The following LMTK3 variants were observed in gnomAD, a reference collection of about 807,000 sequenced individuals.
LMTK3 encodes serine/threonine-protein kinase LMTK3.
LMTK3 carries 27 observed loss-of-function variants against 116.7 expected under a neutral mutation model. The ratio of observed to expected loss-of-function variants is 0.23; its 90% CI spans 0.17 to 0.32. LMTK3 has a LOEUF of 0.32. Among genes scored for constraint, LMTK3 ranks in the 10% least tolerant of loss-of-function variants. The pLI is 1.00. For synonymous variants in LMTK3, 965 were observed against 971.0 expected (o/e 0.99, Z 0.11); for missense variants, 1,764 against 2,068.5 (o/e 0.85, Z 2.86).
chr19:48,513,448 A>G (rs1972693299), upstream of LMTK3: 2 of 530,346 alleles, frequency 3.8e-6, no homozygotes, highest in Non-Finnish European at 6.8e-6. The surrounding 1 kb of genome is among the most constrained non-coding windows in gnomAD (Gnocchi z 5.6). Flanking sequence ...CATCGGGGAC[A>G]CCGACACATC....
At chr19:48,487,859 C>A (rs904411337) in intron 14 of LMTK3, among the ~76,000 whole-genome samples, 1 of 152,114 alleles carries the variant, frequency 6.6e-6, no homozygotes, top group East Asian at 1.9e-4. Flanking sequence ...TAATGGGAAG[C>A]ATGACCTTCA....
At chr19:48,506,753 C>G (rs1192931093) in intron 5 of LMTK3, among the ~76,000 whole-genome samples, 1 of 152,140 alleles carries the variant, frequency 6.6e-6, no homozygotes, top group Non-Finnish European at 1.5e-5. Context: ...CAACCTCTGC[C>G]TCTGGGGTTC....
At chr19:48,501,604 C>T in intron 7 of LMTK3, 42 bp from the exon 8 acceptor site, 2 of 1,548,002 alleles carry the variant, frequency 1.3e-6, no homozygotes, top group South Asian at 1.2e-5. Flanking sequence ...GGGCAGCCCT[C>T]CAGCCACGCC....
At position 48,485,590 on chromosome 19, in the gene LMTK3, TG is replaced by T; in HGVS notation, c.*182del. On this transcript the variant is annotated 3_prime_UTR_variant, in exon 15 of 15. Transcript: ENST00000600059. Reference sequence around the variant, plus strand: ...GGGTCAGGGGAGCCATCTGGGGGGCTGGGGGGCGGGGGCCCGGGGCCTCCCG... The same window carrying T: ...GGGTCAGGGGAGCCATCTGGGGGGCTGGGGGCGGGGGCCCGGGGCCTCCCG... 2 of 436,756 alleles carry T rather than the reference TG, an allele frequency of 4.6e-6. No homozygotes were observed. The highest frequency in any genetic ancestry group is 7.4e-6 in the Non-Finnish European group (2 of 271,364). The allele number at this position is 436,756 out of a possible 1,614,324, so 27.1% of individuals were successfully genotyped here.
intron 8 of LMTK3, 22 bp from the exon 9 acceptor site, chr19:48,501,426 C>G (rs1260070499): frequency 1.2e-6 from 2 of 1,612,616 alleles, no homozygotes; most frequent in Non-Finnish European, 1.7e-6. Flanking sequence ...AGGGCGGTGT[C>G]AGGCGGGTCA....
intron 11 of LMTK3, among the ~76,000 whole-genome samples, chr19:48,496,285 T>TC (rs1569101740): frequency 2.0e-5 from 3 of 150,912 alleles, no homozygotes; most frequent in African/African-American, 7.4e-5. Context: ...ATTTTTTCTT[T>TC]TTTTCTTTTT....
At chr19:48,504,697 A>T (rs897132972) in intron 5 of LMTK3, among the ~76,000 whole-genome samples, 1 of 151,978 alleles carries the variant, frequency 6.6e-6, no homozygotes, top group African/African-American at 2.4e-5. Flanking sequence ...ATAGGTACAC[A>T]CTACCACACT....
chr19:48,497,925 TGGGGCTGGCTCCCCGATCGTG>T lies in LMTK3; in HGVS notation c.3123_3143del (p.Thr1042_Pro1048del), dbSNP rs759213376. 8.5e-6 allele frequency: 13 copies of T among 1,532,654 alleles called. No homozygotes were observed. Among genetic ancestry groups the T allele is most frequent in the African/African-American group, 2.8e-5 (2 of 71,672 alleles). The allele number at this position is 1,532,654 out of a possible 1,614,324, so 94.9% of individuals were successfully genotyped here. ...CAGGGGCTCTCTCCAGAGAGGTCTC[TGGGGCTGGCTCCCCGATCGTG>T]GGGGCTGGACCCCAACTCTCGGGCG... is the stretch of plus-strand genomic sequence containing the variant. On this transcript the variant is annotated inframe_deletion, in exon 11 of 15. Coordinates refer to ENST00000600059, the MANE Select transcript of LMTK3 (RefSeq NM_001388485.1). The surrounding 1 kb of genome is among the most constrained non-coding windows in gnomAD (Gnocchi z 5.7).
chr19:48,494,068 G>C lies in LMTK3; in HGVS notation c.3718C>G (p.Leu1240Val). Reference protein sequence around the residue: ...RLSLALPPLTLTPFPGPGPRR... With the variant: ...RLSLALPPLTVTPFPGPGPRR... Reference sequence around the variant, plus strand: ...GGGCCCGGCCCCGGGAATGGCGTGAGCGTGAGCGGCGGCAGCGCCAGCGAG... The same window carrying C: ...GGGCCCGGCCCCGGGAATGGCGTGACCGTGAGCGGCGGCAGCGCCAGCGAG... Residue 1240 changes from leucine to valine, a missense_variant, in exon 12 of 15, where the codon CTC becomes GTC. By Grantham distance (32) the Leu-to-Val change is conservative. Around this residue, in one of 7 missense-constraint regions of LMTK3, gnomAD observed 39 missense variants for 75.4 expected, o/e 0.52. Transcript: ENST00000600059. This position sits in a 1 kb window ranked among gnomAD's most constrained non-coding sequence, Gnocchi z 4.0. 2.5e-6 allele frequency: 3 copies of C among 1,196,340 alleles called. No individual in the cohort carries two copies. The highest frequency in any genetic ancestry group is 3.1e-6 in the Non-Finnish European group (3 of 964,014). The allele number at this position is 1,196,340 out of a possible 1,614,324, so 74.1% of individuals were successfully genotyped here.
chr19:48,491,544 G>A lies in LMTK3; in HGVS notation c.4093-5C>T, dbSNP rs1219052322. ...CAGCTCGTTGGTTGGCGTCTCCTGT[G>A]AAGGCAGATTAGGGGGAAGCCAGAG... On this transcript the variant is annotated splice_polypyrimidine_tract_variant and splice_region_variant and intron_variant, in intron 12 of 14. Coordinates refer to ENST00000600059, the MANE Select transcript of LMTK3 (RefSeq NM_001388485.1). This position sits in a 1 kb window ranked among gnomAD's most constrained non-coding sequence, Gnocchi z 5.1. The A allele has an allele frequency of 7.2e-7, 1 of 1,379,710 alleles. No individual in the cohort carries two copies. Among genetic ancestry groups the A allele is most frequent in the Non-Finnish European group, 9.4e-7 (1 of 1,060,008 alleles). 85.5% of individuals were successfully genotyped at this position (1,379,710 alleles called of 1,614,324 possible).
chr19:48,497,578 G>C lies in LMTK3; in HGVS notation c.3491C>G (p.Ala1164Gly). ...PEAQPRRLEP[A>G]PPRARPEVAP... ...CACCTCCGGCCTGGCTCTCGGGGGCGCTGGCTCCAGCCTCCTCGGCTGTGC... is the reference window on the plus strand; with the variant it reads ...CACCTCCGGCCTGGCTCTCGGGGGCCCTGGCTCCAGCCTCCTCGGCTGTGC... The change falls in exon 11 of 15, where the codon GCG (alanine) becomes GGG (glycine). Residue 1164 changes from alanine to glycine, a missense_variant. Physicochemically the swap from Ala to Gly is moderately conservative, Grantham distance 60. Coordinates refer to ENST00000600059, the MANE Select transcript of LMTK3 (RefSeq NM_001388485.1). The surrounding 1 kb of genome is among the most constrained non-coding windows in gnomAD (Gnocchi z 5.7). The C allele has an allele frequency of 7.5e-7, 1 of 1,335,394 alleles. No homozygotes were observed. Among genetic ancestry groups the C allele is most frequent in the Non-Finnish European group, 9.6e-7 (1 of 1,041,968 alleles). 82.7% of individuals were successfully genotyped at this position (1,335,394 alleles called of 1,614,324 possible).
intron 12 of LMTK3, among the ~76,000 whole-genome samples, chr19:48,493,408 T>TG (rs1472367860): frequency 3.2e-5 from 4 of 126,262 alleles, no homozygotes; most frequent in Non-Finnish European, 6.2e-5. Context: ...CACTCTAGAT[T>TG]GGGGCTCCCC....
At position 48,485,551 on chromosome 19, in the gene LMTK3, C is replaced by T. The variant is rs893711122; in HGVS notation, c.*222G>A. 4.4e-6 allele frequency: 2 copies of T among 450,254 alleles called. No homozygotes were observed. The highest frequency in any genetic ancestry group is 7.4e-6 in the Non-Finnish European group (2 of 268,694). 27.9% of individuals were successfully genotyped at this position (450,254 alleles called of 1,614,324 possible). ...GGGGGATTCCTGCCTCATTTGGCTCCGAGGGGGTCAGGGGGGTCAGGGGAG... is the reference window on the plus strand; with the variant it reads ...GGGGGATTCCTGCCTCATTTGGCTCTGAGGGGGTCAGGGGGGTCAGGGGAG... On this transcript the variant is annotated 3_prime_UTR_variant, in exon 15 of 15. Coordinates refer to ENST00000600059, the MANE Select transcript of LMTK3 (RefSeq NM_001388485.1).
intron 11 of LMTK3, among the ~76,000 whole-genome samples, chr19:48,495,576 C>T (rs1972309958): frequency 6.6e-6 from 1 of 152,210 alleles, no homozygotes; most frequent in Non-Finnish European, 1.5e-5. Context: ...AAACTCCCTA[C>T]AACAATCTCA....
Position 48,498,231 on chromosome 19 carries a change from A to C in LMTK3, c.2838T>G (p.Asn946Lys). ...CTCTCTCGGGGGACCCCAGGGCCCCATTCTCCGCCGCCTTCTCCTCGATGC... is the reference window on the plus strand; with the variant it reads ...CTCTCTCGGGGGACCCCAGGGCCCCCTTCTCCGCCGCCTTCTCCTCGATGC... ...APGIEEKAAE[N>K]GALGSPEREE... is the part of the protein sequence containing the mutation. Residue 946 changes from asparagine (N) to lysine (K), a missense_variant, in exon 11 of 15, where the codon AAT (asparagine) becomes AAG (lysine). Around this residue, in one of 7 missense-constraint regions of LMTK3, gnomAD observed 1,028 missense variants for 1,050.6 expected, o/e 0.98. Transcript: ENST00000600059. 1 of 1,612,530 alleles carries C rather than the reference A, an allele frequency of 6.2e-7. No homozygotes were observed. Among genetic ancestry groups the C allele is most frequent in the Non-Finnish European group, 8.5e-7 (1 of 1,179,532 alleles).
At position 48,509,032 on chromosome 19, in the gene LMTK3, G is replaced by A. The variant is rs1272977495; in HGVS notation, c.439-63C>T. On this transcript the variant is annotated intron_variant, in intron 4 of 14. Transcript: ENST00000600059. Reference sequence around the variant, plus strand: ...TCCCCAGCCCCGTCCCCTGGGACCAGCTCCACTCCACCACACAGCTCCCAA... The same window carrying A: ...TCCCCAGCCCCGTCCCCTGGGACCAACTCCACTCCACCACACAGCTCCCAA... 3.0e-5 allele frequency: 34 copies of A among 1,116,082 alleles called. No individual in the cohort carries two copies. The East Asian group carries it at 6.6e-4, about 22-fold the overall frequency. The allele number at this position is 1,116,082 out of a possible 1,614,324, so 69.1% of individuals were successfully genotyped here. A position where few individuals can be genotyped will look rare whatever the true frequency, so the allele number is the denominator to read the frequency against.
upstream of LMTK3, chr19:48,513,099 A>ACACAGACACGCG: frequency 6.4e-7 from 1 of 1,553,538 alleles, no homozygotes; most frequent in Non-Finnish European, 8.8e-7. The surrounding 1 kb of genome is among the most constrained non-coding windows in gnomAD (Gnocchi z 5.6). Flanking sequence ...CACAACACAG[A>ACACAGACACGCG]CACAGACACG....
At chr19:48,512,332 G>T (rs1471972865), upstream of LMTK3, among the ~76,000 whole-genome samples, 1 of 152,034 alleles carries the variant, frequency 6.6e-6, no homozygotes, top group Admixed American at 6.6e-5. Flanking sequence ...ACCCGGCCAC[G>T]CAGGAACGTC....
chr19:48,499,539 G>T lies in LMTK3; in HGVS notation c.1530C>A (p.Pro510=), dbSNP rs1200291872. 2 of 1,507,310 alleles carry T rather than the reference G, an allele frequency of 1.3e-6. No individual in the cohort carries two copies. Among genetic ancestry groups the T allele is most frequent in the East Asian group, 4.9e-5 (2 of 40,458 alleles). 93.4% of individuals were successfully genotyped at this position (1,507,310 alleles called of 1,614,324 possible). A position where few individuals can be genotyped will look rare whatever the true frequency, so the allele number is the denominator to read the frequency against. Residue 510 remains proline, a synonymous_variant, in exon 11 of 15, where the codon CCC becomes CCA. Transcript: ENST00000600059. The stretch of plus-strand genomic sequence containing the variant: ...ACAGCGCCTCGTAGAAAGGGTTGGA[G>T]GGGTTGGCGTGGGGGGCCGGGGGGG... ...ASAPPAPHAN[P]SNPFYEALST... is the part of the protein sequence containing the mutation.
Sources: allele counts gnomAD v4.1 joint callset (sites outside exome capture counted in the v4.1 genomes callset), GRCh38; gene constraint gnomAD v4.1.1; regional missense constraint gnomAD v4.1.1; non-coding constraint Gnocchi (gnomAD v3.1); transcripts MANE v1.5; gene names NCBI Gene and HGNC (gene_info 2026-07-23, HGNC 2026-07-21).